Variants in RYR3 observed in about 807,000 individuals in gnomAD.
The protein encoded by RYR3 is ryanodine receptor 3.
A neutral mutation model predicts 584.3 loss-of-function variants in RYR3; 207 were observed. The observed-to-expected ratio is 0.35, with a 90% CI of 0.32 to 0.40. RYR3 has a LOEUF of 0.40. RYR3 is among the 10% of genes least tolerant of loss of function. The pLI is 1.00. For missense variants in RYR3, 5,616 were observed against 6,089.2 expected (o/e 0.92, Z 2.59); for synonymous variants, 2,416 against 2,248.5 (o/e 1.07, Z -2.11).
At chr15:33,465,516 T>C (rs545243497) in intron 1 of RYR3, among the ~76,000 whole-genome samples, 71 of 152,290 alleles carry the variant, frequency 4.7e-4, no homozygotes, top group Non-Finnish European at 7.2e-4. Context: ...TCTAACAGGT[T>C]TTGCTTTGCG....
At chr15:33,652,637 T>C (rs1595985561) in intron 31 of RYR3, 81 bp from the exon 32 acceptor site, 1 of 1,435,794 alleles carries the variant, frequency 7.0e-7, no homozygotes, top group East Asian at 2.4e-5. Context: ...GTAGCCATTT[T>C]CATTTTTCAT....
At chr15:33,392,502 C>T (rs912613007) in intron 1 of RYR3, among the ~76,000 whole-genome samples, 2 of 151,886 alleles carry the variant, frequency 1.3e-5, no homozygotes, top group Non-Finnish European at 2.9e-5. Context: ...TTCTTCAGGC[C>T]TCTGAGAGAC....
At chr15:33,523,767 G>T (rs2054188888) in intron 3 of RYR3, among the ~76,000 whole-genome samples, 1 of 152,094 alleles carries the variant, frequency 6.6e-6, no homozygotes, top group South Asian at 2.1e-4. Flanking sequence ...GGAGCCACTG[G>T]GTTTGGGACC....
rs2062109034 is a variant in RYR3 at position 33,646,465 on chromosome 15, G to C, written c.3880G>C (p.Val1294Leu). ...GATCTATTGCCGCTTGAGCATGCCTGTCGAGTGCCACTCCTCCTTCAGCCA... is the reference window on the plus strand; with the variant it reads ...GATCTATTGCCGCTTGAGCATGCCTCTCGAGTGCCACTCCTCCTTCAGCCA... ...DMIYCRLSMP[V>L]ECHSSFSHSP... The change falls in exon 29 of 104, where the codon GTC (valine) becomes CTC (leucine). Residue 1294 changes from valine (V) to leucine (L), a missense_variant. By Grantham distance (32) the Val-to-Leu change is conservative (BLOSUM62 1). This residue lies in a region of RYR3 where 753 missense variants were observed against 741.0 expected (regional missense o/e 1.02). Coordinates refer to ENST00000634891, the MANE Select transcript of RYR3 (RefSeq NM_001036.6). 2 of 1,613,950 alleles carry C rather than the reference G, an allele frequency of 1.2e-6. No homozygotes were observed. Among genetic ancestry groups the C allele is most frequent in the Non-Finnish European group, 1.7e-6 (2 of 1,179,846 alleles).
At position 33,730,848 on chromosome 15, in the gene RYR3, T is replaced by C. The variant is rs114102604; in HGVS notation, c.7204-626T>C. ...GAAGGTCCCAAGTTTCTGTTCCTTT[T>C]CCACGTTGCCCATGCAGAGTCAGGT... On this transcript the variant is annotated intron_variant, in intron 47 of 103. Coordinates refer to ENST00000634891, the MANE Select transcript of RYR3 (RefSeq NM_001036.6). Among the ~76,000 whole-genome samples the C allele has an allele frequency of 7.7e-3, 1,170 of 152,340 alleles. 19 individuals are homozygous for C. The highest frequency in any genetic ancestry group is 0.027 in the African/African-American group (1,133 of 41,588).
At position 33,808,285 on chromosome 15, in the gene RYR3, T is replaced by G. The variant is rs548857571; in HGVS notation, c.10026+716T>G. Among the ~76,000 whole-genome samples, 12 of 152,336 alleles carry G rather than the reference T, an allele frequency of 7.9e-5. No homozygotes were observed. In the East Asian group the frequency reaches 2.1e-3, roughly 27 times the overall value. ...TCTTGGAAAAATTGCTTAACTTCCC[T>G]GAGCAATCCCATTCTCATTTACAAA... On this transcript the variant is annotated intron_variant, in intron 70 of 103. Coordinates refer to ENST00000634891, the MANE Select transcript of RYR3 (RefSeq NM_001036.6).
At chr15:33,845,422 T>C (rs1481227111) in intron 93 of RYR3, among the ~76,000 whole-genome samples, 1 of 152,118 alleles carries the variant, frequency 6.6e-6, no homozygotes, top group Non-Finnish European at 1.5e-5. Context: ...CCAGCTAATT[T>C]TTGTATTTTT....
intron 60 of RYR3, among the ~76,000 whole-genome samples, chr15:33,764,218 A>T (rs994246334): frequency 6.6e-6 from 1 of 152,230 alleles, no homozygotes; most frequent in African/African-American, 2.4e-5. Flanking sequence ...AAGATGTGGC[A>T]CATATATACC....
intron 38 of RYR3, among the ~76,000 whole-genome samples, chr15:33,678,293 A>G (rs1464469201): frequency 6.6e-6 from 1 of 152,060 alleles, no homozygotes; most frequent in Non-Finnish European, 1.5e-5. Context: ...TGGGGGGGAG[A>G]CTTCCCCCAT....
At chr15:33,676,931 G>C (rs2064221313) in intron 38 of RYR3, among the ~76,000 whole-genome samples, 1 of 152,132 alleles carries the variant, frequency 6.6e-6, no homozygotes, top group Non-Finnish European at 1.5e-5. Context: ...AGAGAGTTTG[G>C]TTCTCAGGAG....
intron 67 of RYR3, among the ~76,000 whole-genome samples, chr15:33,795,412 A>G (rs1334621121): frequency 8.8e-6 from 1 of 113,688 alleles, no homozygotes; most frequent in Non-Finnish European, 1.7e-5. Flanking sequence ...TGTGAGACAG[A>G]GTCTCACTCT....
At chr15:33,644,199 A>C (rs2152671363) in intron 27 of RYR3, 112 bp from the exon 28 acceptor site, 1 of 761,062 alleles carries the variant, frequency 1.3e-6, no homozygotes, top group South Asian at 1.8e-5. Flanking sequence ...GGGTTGTGTC[A>C]CATCTTTCCT....
chr15:33,416,936 T>C (rs2043856442), intron 1 of RYR3, among the ~76,000 whole-genome samples: 1 of 152,232 alleles, frequency 6.6e-6, no homozygotes, highest in Non-Finnish European at 1.5e-5. Context: ...GCACCATTTA[T>C]TAAATAGGGT....
rs977071011 is a variant in RYR3 at position 33,548,151 on chromosome 15, G to A, written c.762G>A (p.Gly254=). The part of the protein sequence containing the change: ...SQHRRIFYEA[G]GAGTRARSLW... Reference sequence around the variant, plus strand: ...ACAGGAGGATATTCTACGAAGCTGGGGGAGCTGGGACTCGAGCCAGGTCTC... The same window carrying A: ...ACAGGAGGATATTCTACGAAGCTGGAGGAGCTGGGACTCGAGCCAGGTCTC... The change falls in exon 9 of 104, where the codon GGG becomes GGA. Residue 254 remains glycine, a synonymous_variant. Coordinates refer to ENST00000634891, the MANE Select transcript of RYR3 (RefSeq NM_001036.6). 1.9e-6 allele frequency: 3 copies of A among 1,612,742 alleles called. No individual in the cohort carries two copies. Among genetic ancestry groups the A allele is most frequent in the Non-Finnish European group, 2.5e-6 (3 of 1,179,384 alleles).
intron 29 of RYR3, 134 bp from the exon 30 acceptor site, chr15:33,647,290 C>T: frequency 1.5e-6 from 1 of 667,554 alleles, no homozygotes; most frequent in Admixed American, 2.6e-5. Flanking sequence ...AGACTGGTTG[C>T]AATCACTTGT....
chr15:33,455,570 T>A (rs928963401), intron 1 of RYR3, among the ~76,000 whole-genome samples: 1 of 152,132 alleles, frequency 6.6e-6, no homozygotes, highest in Non-Finnish European at 1.5e-5. Flanking sequence ...CCTTGCCACA[T>A]AGGTCAAGTA....
rs992190321 is a variant in RYR3 at position 33,826,683 on chromosome 15, C to T, written c.11176C>T (p.Leu3726Phe). 3 of 1,613,860 alleles carry T rather than the reference C, an allele frequency of 1.9e-6. No individual in the cohort carries two copies. The highest frequency in any genetic ancestry group is 2.5e-6 in the Non-Finnish European group (3 of 1,179,750). Residue 3726 changes from leucine to phenylalanine, a missense_variant, in exon 84 of 104, where the codon CTC (leucine) becomes TTC (phenylalanine). By Grantham distance (22) the Leu-to-Phe change is conservative. This residue lies in a region of RYR3 where 954 missense variants were observed against 1,132.2 expected (regional missense o/e 0.84). Transcript: ENST00000634891. ...LIVRERGEKV[L>F]QNDEFTRDLF... ...TCTGTGTTTTCAAGGTGAAAAAGTA[C>T]TCCAGAATGACGAGTTCACGCGTGA...
At chr15:33,728,827 G>A (rs1363215104) in intron 46 of RYR3, 30 bp from the exon 47 acceptor site, 1 of 1,596,860 alleles carries the variant, frequency 6.3e-7, no homozygotes, top group African/African-American at 1.3e-5. Flanking sequence ...GACAGGAAAA[G>A]GGAAATTACA....
chr15:33,344,309 G>C (rs1336327176), intron 1 of RYR3, among the ~76,000 whole-genome samples: 1 of 152,156 alleles, frequency 6.6e-6, no homozygotes, highest in Admixed American at 6.5e-5. Context: ...CTGACATTGG[G>C]TTGAGTCATG....
Sources: allele counts gnomAD v4.1 joint callset (sites outside exome capture counted in the v4.1 genomes callset), GRCh38; gene constraint gnomAD v4.1.1; regional missense constraint gnomAD v4.1.1; transcripts MANE v1.5; gene names NCBI Gene and HGNC (gene_info 2026-07-23, HGNC 2026-07-21).